PDE4DIP: variants seen among roughly 807,000 people sequenced by gnomAD.
PDE4DIP encodes phosphodiesterase 4D interacting protein, also known as myomegalin.
PDE4DIP carries 59 observed loss-of-function variants against 221.4 expected under a neutral mutation model. The observed-to-expected ratio is 0.27, with a 90% CI of 0.22 to 0.33. PDE4DIP has a LOEUF of 0.33. Ranked by LOEUF, PDE4DIP falls within the 10% of genes least tolerant of loss-of-function variation. The pLI is 1.00. For synonymous variants in PDE4DIP, 404 were observed against 815.9 expected, an observed-to-expected ratio of 0.50 and a Z score of 8.60; for missense variants, 1,036 against 2,154.2, an observed-to-expected ratio of 0.48 and a Z score of 10.28.
chr1:149,027,663 C>T (rs61805019), intron 40 of PDE4DIP, 36 bp downstream of exon 43: 2 of 436,276 alleles, frequency 4.6e-6, no homozygotes, highest in African/African-American at 4.8e-5. Context: ...CACTCTTTCC[C>T]TGTGCCCTTT....
chr1:148,949,194 GTACT>G (rs1458831715), intron 5 of PDE4DIP, among the ~76,000 whole-genome samples: 3 of 151,226 alleles, frequency 2.0e-5, no homozygotes, highest in Admixed American at 1.3e-4. Context: ...AAAGCAGTAA[GTACT>G]TAAAGTTATT....
chr1:148,955,197 G>A (rs1240155146), intron 5 of PDE4DIP, among the ~76,000 whole-genome samples: 1 of 152,322 alleles, frequency 6.6e-6, no homozygotes, highest in Non-Finnish European at 1.5e-5. Context: ...TTCTTTCAGT[G>A]GAGCCTCGCA....
chr1:149,012,875 G>T lies in PDE4DIP; in HGVS notation c.5266+99G>T, dbSNP rs587620548. ...TGGCAGAGTTTAAAAAAACAACACG[G>T]GTACACGTTACAAATGTAAGAGGGA... On this transcript the variant is annotated intron_variant, in intron 32 of 43. Transcript: ENST00000369354. 391 of 622,472 alleles carry T rather than the reference G, an allele frequency of 6.3e-4. 2 individuals carry two copies. The East Asian group carries it at 0.01, about 16-fold the overall frequency. The allele number at this position is 622,472 out of a possible 1,614,324, so 38.6% of individuals were successfully genotyped here.
intron 1 of PDE4DIP, among the ~76,000 whole-genome samples, chr1:148,923,684 A>G (rs2046018932): frequency 6.9e-6 from 1 of 145,190 alleles, no homozygotes; most frequent in African/African-American, 2.7e-5. Context: ...CGTGTTAGGC[A>G]GGATGGTCTC....
At chr1:148,973,266 A>G (rs2059546000) in intron 16 of PDE4DIP, among the ~76,000 whole-genome samples, 1 of 151,864 alleles carries the variant, frequency 6.6e-6, no homozygotes, top group African/African-American at 2.4e-5. Context: ...AGTAGCTGGG[A>G]CTACAGGCGC....
rs1209687447 is a variant in PDE4DIP at position 149,012,789 on chromosome 1, G to A, written c.5266+13G>A. Reference sequence around the variant, plus strand: ...CAGTTGGGAGAAAGTGAGCACTTCTGCATTTGTGTGCTTGCGATTGGCAGC... The same window carrying A: ...CAGTTGGGAGAAAGTGAGCACTTCTACATTTGTGTGCTTGCGATTGGCAGC... On this transcript the variant is annotated intron_variant, in intron 32 of 43. Transcript: ENST00000369354. 2.0e-6 allele frequency: 3 copies of A among 1,537,116 alleles called. No homozygotes were observed. The highest frequency in any genetic ancestry group is 8.9e-7 in the Non-Finnish European group (1 of 1,127,152).
At chr1:148,954,521 G>T (rs2151416939) in intron 5 of PDE4DIP, among the ~76,000 whole-genome samples, 2 of 151,416 alleles carry the variant, frequency 1.3e-5, no homozygotes, top group African/African-American at 4.9e-5. Flanking sequence ...AAAGAGACAG[G>T]AATTCAAGTA....
chr1:148,937,533 T>C lies in PDE4DIP; in HGVS notation c.519-214T>C, dbSNP rs1249360608. On this transcript the variant is annotated intron_variant, in intron 4 of 43. Transcript: ENST00000369354. ...ATTAACTTCAGGAGGTCCATGAACG[T>C]GGTGAAAATGTAAGCAAAAAGTTGT... Among the ~76,000 whole-genome samples the C allele has an allele frequency of 2.0e-5, 3 of 152,216 alleles. No individual in the cohort carries two copies. The East Asian group carries it at 5.8e-4, about 29-fold the overall frequency.
chr1:148,973,274 C>T (rs797028752), intron 16 of PDE4DIP, among the ~76,000 whole-genome samples: 79 of 152,180 alleles, frequency 5.2e-4, no homozygotes, highest in Middle Eastern at 3.4e-3. Flanking sequence ...GGACTACAGG[C>T]GCCAGCCACC....
At chr1:149,017,708 A>G (rs782055799) in intron 33 of PDE4DIP, 40 bp from the exon 37 acceptor site, 2 of 1,320,240 alleles carry the variant, frequency 1.5e-6, no homozygotes, top group East Asian at 2.6e-5. Context: ...AGGATTCTCC[A>G]TCTCCCACCT....
chr1:148,991,940 TGAG>T (rs782429191), exon 22 of PDE4DIP: 5 of 776,612 alleles, frequency 6.4e-6, no homozygotes, highest in African/African-American at 1.7e-5. Flanking sequence ...CTGACAGTAT[TGAG>T]GAGGAGGCTG....
In PDE4DIP at chr1:149,009,809, G is replaced by T; in HGVS notation, c.4927+18G>T. 12 of 1,490,934 alleles carry T rather than the reference G, an allele frequency of 8.0e-6. No individual in the cohort carries two copies. The highest frequency in any genetic ancestry group is 1.1e-5 in the Non-Finnish European group (12 of 1,067,690). The allele number at this position is 1,490,934 out of a possible 1,614,324, so 92.4% of individuals were successfully genotyped here. ...TCACTCAGGTAGCCTCCACTTTCTG[G>T]GTGGTACCATCTTTGTCTAGGCTGA... On this transcript the variant is annotated intron_variant, in intron 30 of 43. Coordinates refer to ENST00000369354, the Ensembl canonical transcript of PDE4DIP.
At chr1:148,969,878 G>A (rs1480749931) in intron 14 of PDE4DIP, among the ~76,000 whole-genome samples, 2 of 151,962 alleles carry the variant, frequency 1.3e-5, no homozygotes, top group Admixed American at 1.3e-4. Context: ...GCTAAGTTTT[G>A]TATTTTTAGT....
At chr1:148,929,886 A>C (rs2047477577) in intron 2 of PDE4DIP, 1 of 152,938 alleles carries the variant, frequency 6.5e-6, no homozygotes, top group Non-Finnish European at 1.5e-5. Context: ...TTGATTGAAT[A>C]AATTTTGGTA....
At chr1:148,936,638 A>G (rs2049243537) in intron 4 of PDE4DIP, among the ~76,000 whole-genome samples, 1 of 152,222 alleles carries the variant, frequency 6.6e-6, no homozygotes. Flanking sequence ...CCTAAAACAC[A>G]TTTTGTAGTC....
chr1:148,976,161 G>A (rs1330610567), intron 17 of PDE4DIP, among the ~76,000 whole-genome samples: 10 of 150,474 alleles, frequency 6.6e-5, no homozygotes, highest in South Asian at 2.1e-4. Context: ...TTACTTTTTG[G>A]TTCTGTCCTG....
At position 148,929,303 on chromosome 1, in the gene PDE4DIP, T is replaced by G. The variant is rs372017191; in HGVS notation, c.218+30T>G. ...GTTGTAATTTTAAGCTCTGGTCCTTTCCAGAGTCTGTCTTACTAATCTGAG... is the reference window on the plus strand; with the variant it reads ...GTTGTAATTTTAAGCTCTGGTCCTTGCCAGAGTCTGTCTTACTAATCTGAG... On this transcript the variant is annotated intron_variant, in intron 2 of 43. Transcript: ENST00000369354. The G allele has an allele frequency of 4.9e-4, 774 of 1,573,044 alleles. 7 individuals are homozygous for G. The African/African-American group carries it at 9.7e-3, about 20-fold the overall frequency.
chr1:148,978,297 T>C, exon 19 of PDE4DIP: 1 of 1,605,642 alleles, frequency 6.2e-7, no homozygotes, highest in Non-Finnish European at 8.5e-7. Context: ...ATGCAACTGG[T>C]TGATCCTGAA....
chr1:148,933,695 A>AT (rs2048572186), intron 4 of PDE4DIP, among the ~76,000 whole-genome samples: 6 of 152,168 alleles, frequency 3.9e-5, no homozygotes, highest in Non-Finnish European at 7.3e-5. Flanking sequence ...TCTTTCCAAG[A>AT]CATAAATTTA....
Sources: gnomAD v4.1 joint callset for allele counts (sites outside exome capture counted in the v4.1 genomes callset) on GRCh38, gnomAD v4.1.1 for gene constraint, MANE v1.5 for transcripts, NCBI Gene and HGNC (gene_info 2026-07-23, HGNC 2026-07-21) for gene names.